ABCA13: variants seen among roughly 807,000 people sequenced by gnomAD.
ABCA13 encodes the protein ATP binding cassette subfamily A member 13, also known as ATP-binding cassette sub-family A member 13.
In ABCA13, 476 loss-of-function variants were observed where a neutral mutation model predicts 478.7. That is an observed-to-expected ratio of 0.99 (90% CI 0.92 to 1.07). ABCA13 has a LOEUF of 1.07. ABCA13 is among the 50% of genes least tolerant of loss of function. The probability of loss-of-function intolerance (pLI) is 0.00; values close to 1 mark genes in which losing one functional copy is unlikely to be tolerated. For missense variants in ABCA13, 6,060 were observed against 5,910.6 expected (o/e 1.03, Z -0.83); for synonymous variants, 2,252 against 2,158.9 (o/e 1.04, Z -1.20).
intron 38 of ABCA13, among the ~76,000 whole-genome samples, chr7:48,398,795 G>T (rs1247811400): frequency 6.6e-6 from 1 of 152,168 alleles, no homozygotes; most frequent in Non-Finnish European, 1.5e-5. Flanking sequence ...AGTGAAGGAA[G>T]ATTAGAAGAG....
intron 56 of ABCA13, among the ~76,000 whole-genome samples, chr7:48,580,707 C>G (rs916876906): frequency 6.6e-6 from 1 of 152,080 alleles, no homozygotes; most frequent in Non-Finnish European, 1.5e-5. Context: ...AACTTGTATT[C>G]AGGAAGAAAT....
chr7:48,334,201 T>C (rs918462526), intron 27 of ABCA13, among the ~76,000 whole-genome samples: 11 of 152,248 alleles, frequency 7.2e-5, no homozygotes, highest in Non-Finnish European at 1.5e-4. Flanking sequence ...TTAATAATGT[T>C]ATTCAACCTT....
At chr7:48,636,223 A>T (rs555352171) in intron 59 of ABCA13, among the ~76,000 whole-genome samples, 11 of 152,310 alleles carry the variant, frequency 7.2e-5, no homozygotes, top group African/African-American at 2.6e-4. Context: ...GCCTTTTGAG[A>T]AGACTTTATC....
intron 51 of ABCA13, among the ~76,000 whole-genome samples, chr7:48,515,881 A>G (rs1244497647): frequency 2.0e-5 from 3 of 152,102 alleles, no homozygotes; most frequent in South Asian, 4.2e-4. Context: ...TCCTGATGAG[A>G]AGCAGAGCAG....
intron 5 of ABCA13, 36 bp from the exon 6 acceptor site, chr7:48,227,226 A>T (rs760785994): frequency 6.2e-7 from 1 of 1,608,954 alleles, no homozygotes; most frequent in South Asian, 1.1e-5. Flanking sequence ...ATAAAACTCC[A>T]GAGGGAAACT....
chr7:48,303,539 A>G (rs1800462311), intron 23 of ABCA13, among the ~76,000 whole-genome samples: 1 of 152,112 alleles, frequency 6.6e-6, no homozygotes, highest in Admixed American at 6.5e-5. Flanking sequence ...CCCAGTTTCA[A>G]TCTTCTGCAC....
intron 29 of ABCA13, among the ~76,000 whole-genome samples, chr7:48,342,336 T>C (rs1049848033): frequency 3.9e-5 from 6 of 152,170 alleles, no homozygotes; most frequent in Admixed American, 2.6e-4. Context: ...AAGAGGTGTG[T>C]GTTTACATTT....
chr7:48,330,029 TTATCCATCCATC>T (rs1219080490), intron 27 of ABCA13, among the ~76,000 whole-genome samples: 3 of 108,926 alleles, frequency 2.8e-5, no homozygotes, highest in African/African-American at 7.0e-5. Flanking sequence ...ATTGATCTAT[TTATCCATCCATC>T]CATCCATCCA....
chr7:48,585,920 C>T (rs1253915623), intron 56 of ABCA13, among the ~76,000 whole-genome samples: 8 of 151,948 alleles, frequency 5.3e-5, no homozygotes, highest in African/African-American at 1.9e-4. Flanking sequence ...AGAATTAATC[C>T]AGCATAGGAG....
chr7:48,212,596 C>G (rs537226656), intron 3 of ABCA13, among the ~76,000 whole-genome samples: 1 of 152,234 alleles, frequency 6.6e-6, no homozygotes, highest in South Asian at 2.1e-4. Flanking sequence ...CTTGCTAACA[C>G]TTATTATGTT....
At chr7:48,437,987 T>G (rs1823068352) in intron 42 of ABCA13, among the ~76,000 whole-genome samples, 1 of 152,078 alleles carries the variant, frequency 6.6e-6, no homozygotes, top group Non-Finnish European at 1.5e-5. Flanking sequence ...ATCTTTTGCC[T>G]CAGGCACCCA....
intron 59 of ABCA13, among the ~76,000 whole-genome samples, chr7:48,624,614 G>A (rs1415184908): frequency 6.6e-6 from 1 of 151,188 alleles, no homozygotes; most frequent in Non-Finnish European, 1.5e-5. Context: ...CGAGTGCAAT[G>A]ACACGATCTC....
chr7:48,273,687 C>T lies in ABCA13; in HGVS notation c.4021C>T (p.Arg1341Ter), dbSNP rs775214186. 3.6e-5 allele frequency: 58 copies of T among 1,607,458 alleles called. No individual in the cohort carries two copies. The highest frequency in any genetic ancestry group is 1.8e-4 in the East Asian group (8 of 44,744). Reference sequence around the variant, plus strand: ...ATTTCTTAGAAATGTATCACATGATCGAGATTTGTTTTCCTGTGCTGATAT... The same window carrying T: ...ATTTCTTAGAAATGTATCACATGATTGAGATTTGTTTTCCTGTGCTGATAT... ...IVFLRNVSHD[R>*]DLFSCADIFQ... Residue 1341 changes from arginine to a stop codon, truncating the protein, a stop_gained, in exon 17 of 62, where the codon CGA becomes TGA. Coordinates refer to ENST00000435803, the MANE Select transcript of ABCA13 (RefSeq NM_152701.5). LOFTEE classifies it high-confidence loss of function.
chr7:48,249,490 A>G (rs1792203937), intron 15 of ABCA13, 139 bp downstream of exon 15: 4 of 1,099,292 alleles, frequency 3.6e-6, no homozygotes, highest in Non-Finnish European at 5.3e-6. Context: ...TGGCATTGTG[A>G]TTACTTCATA....
At chr7:48,271,678 A>T in intron 16 of ABCA13, 109 bp from the exon 17 acceptor site, 1 of 655,064 alleles carries the variant, frequency 1.5e-6, no homozygotes, top group Non-Finnish European at 2.2e-6. Flanking sequence ...GTTGTCTATT[A>T]AATGTTTCAT....
chr7:48,578,206 A>G (rs1406478289), intron 55 of ABCA13, among the ~76,000 whole-genome samples: 1 of 152,182 alleles, frequency 6.6e-6, no homozygotes, highest in African/African-American at 2.4e-5. Flanking sequence ...TCTGCCAGCA[A>G]GCAGTCCTAC....
At chr7:48,403,662 G>T in intron 38 of ABCA13, 21 bp from the exon 39 acceptor site, 1 of 1,608,754 alleles carries the variant, frequency 6.2e-7, no homozygotes, top group Non-Finnish European at 8.5e-7. Flanking sequence ...GGAGAAGAGT[G>T]ATGTTTTCTT....
intron 3 of ABCA13, among the ~76,000 whole-genome samples, chr7:48,207,829 T>C (rs943142909): frequency 1.3e-5 from 2 of 152,200 alleles, no homozygotes; most frequent in African/African-American, 4.8e-5. Flanking sequence ...TGTCCATTTT[T>C]ACTTTTGTTG....
intron 24 of ABCA13, 108 bp downstream of exon 24, chr7:48,310,249 G>A: frequency 1.6e-6 from 2 of 1,234,084 alleles, no homozygotes; most frequent in Non-Finnish European, 2.3e-6. Context: ...TCAGCACCTG[G>A]CCACTCTGCA....
Sources: gnomAD v4.1 joint callset for allele counts (sites outside exome capture counted in the v4.1 genomes callset) on GRCh38, gnomAD v4.1.1 for gene constraint, MANE v1.5 for transcripts, NCBI Gene and HGNC (gene_info 2026-07-23, HGNC 2026-07-21) for gene names.